GRAMD1B: variants seen among roughly 807,000 people sequenced by gnomAD.
GRAMD1B encodes the protein GRAM domain containing 1B.
A neutral mutation model predicts 99.7 loss-of-function variants in GRAMD1B; 37 were observed. That is an observed-to-expected ratio of 0.37 (90% CI 0.29 to 0.49). The LOEUF (loss-of-function observed/expected upper bound fraction) is 0.49, where lower values mean the gene tolerates loss of function less well. Among genes scored for constraint, GRAMD1B ranks in the 20% least tolerant of loss-of-function variants. The pLI, the probability that GRAMD1B is intolerant of heterozygous loss-of-function variation, is 0.98. For missense variants in GRAMD1B, 888 were observed against 1,009.2 expected, an observed-to-expected ratio of 0.88 and a Z score of 1.63; for synonymous variants, 427 against 387.6, an observed-to-expected ratio of 1.10 and a Z score of -1.19.
intron 1 of GRAMD1B, among the ~76,000 whole-genome samples, chr11:123,446,928 A>G (rs112915696): frequency 3.3e-5 from 5 of 152,136 alleles, no homozygotes; most frequent in African/African-American, 1.2e-4. Flanking sequence ...AAAGAAAAGA[A>G]AGGAAAGAAA....
intron 2 of GRAMD1B, among the ~76,000 whole-genome samples, chr11:123,488,830 G>A (rs930553845): frequency 1.3e-5 from 2 of 152,202 alleles, no homozygotes; most frequent in African/African-American, 4.8e-5. Flanking sequence ...CAGGAAGAGA[G>A]AGCAACATAA....
Position 123,623,305 on chromosome 11 carries a change from G to A in GRAMD1B, c.*710G>A, listed in dbSNP as rs1955319573. On this transcript the variant is annotated 3_prime_UTR_variant, in exon 20 of 20. Coordinates refer to ENST00000635736, the MANE Select transcript of GRAMD1B (RefSeq NM_001387025.1). ...AGGGTGTGGACCCAGTAAGGGCTGG[G>A]AATTTCTTACTTTCCCACCCGCTTT... The A allele has an allele frequency of 6.6e-6, 1 of 152,040 alleles. No homozygotes were observed. 9.4% of individuals were successfully genotyped at this position (152,040 alleles called of 1,614,324 possible). A position where few individuals can be genotyped will look rare whatever the true frequency, so the allele number is the denominator to read the frequency against.
chr11:123,545,337 T>A (rs560877634), intron 2 of GRAMD1B, among the ~76,000 whole-genome samples: 49 of 152,300 alleles, frequency 3.2e-4, no homozygotes, highest in Non-Finnish European at 1.2e-4. Flanking sequence ...ATTCCAGAAT[T>A]TCTGGGCCCC....
At chr11:123,519,646 C>T (rs753346057) in intron 2 of GRAMD1B, among the ~76,000 whole-genome samples, 2 of 152,234 alleles carry the variant, frequency 1.3e-5, no homozygotes, top group African/African-American at 4.8e-5. Context: ...AGCTATGCCC[C>T]GGTACTGCAG....
chr11:123,562,386 T>G (rs1326026369), intron 2 of GRAMD1B, among the ~76,000 whole-genome samples: 1 of 152,158 alleles, frequency 6.6e-6, no homozygotes, highest in Non-Finnish European at 1.5e-5. Context: ...CAGACTGTTT[T>G]GGTACAGGGC....
At chr11:123,599,141 C>T (rs1284872967) in intron 7 of GRAMD1B, 2 of 803,458 alleles carry the variant, frequency 2.5e-6, no homozygotes, top group Non-Finnish European at 4.5e-6. Context: ...CTGACATTGC[C>T]ACATAGATCT....
Position 123,480,871 on chromosome 11 carries a change from A to G in GRAMD1B, c.430A>G (p.Ser144Gly). The G allele has an allele frequency of 2.5e-6, 1 of 398,310 alleles. No individual in the cohort carries two copies. The allele number at this position is 398,310 out of a possible 1,614,324, so 24.7% of individuals were successfully genotyped here. A position where few individuals can be genotyped will look rare whatever the true frequency, so the allele number is the denominator to read the frequency against. The part of the protein sequence containing the change: ...SHDDDSSRFL[S>G]PRAREESTAS... ...CGATGATGATTCTAGCAGGTTCCTGAGTCCTCGAGCGCGGGAAGAAAGGTA... is the reference window on the plus strand; with the variant it reads ...CGATGATGATTCTAGCAGGTTCCTGGGTCCTCGAGCGCGGGAAGAAAGGTA... Residue 144 changes from serine to glycine, a missense_variant, in exon 2 of 20, where the codon AGT (serine) becomes GGT (glycine). This residue lies in a region of GRAMD1B where 233 missense variants were observed against 154.6 expected (regional missense o/e 1.51). Coordinates refer to ENST00000635736, the MANE Select transcript of GRAMD1B (RefSeq NM_001387025.1).
intron 1 of GRAMD1B, among the ~76,000 whole-genome samples, chr11:123,400,287 A>C (rs1177608906): frequency 6.6e-6 from 1 of 152,006 alleles, no homozygotes. Context: ...GACCAGCCTG[A>C]CCAATATGAT....
intron 2 of GRAMD1B, among the ~76,000 whole-genome samples, chr11:123,511,761 C>T (rs1223533522): frequency 3.3e-5 from 5 of 152,080 alleles, no homozygotes; most frequent in Admixed American, 3.3e-4. Flanking sequence ...AGAGAGGAGG[C>T]CCAAGCGGCA....
chr11:123,382,362 A>T (rs1314074378), intron 1 of GRAMD1B, among the ~76,000 whole-genome samples: 1 of 152,190 alleles, frequency 6.6e-6, no homozygotes, highest in Admixed American at 6.5e-5. Flanking sequence ...AGGCCAGTCA[A>T]ATCCAGAACT....
chr11:123,613,578 T>C lies in GRAMD1B; in HGVS notation c.2147T>C (p.Val716Ala). The C allele has an allele frequency of 6.2e-7, 1 of 1,613,494 alleles. No individual in the cohort carries two copies. Among genetic ancestry groups the C allele is most frequent in the Non-Finnish European group, 8.5e-7 (1 of 1,179,714 alleles). Residue 716 changes from valine to alanine, a missense_variant, in exon 16 of 20, where the codon GTC becomes GCC. This residue lies in a region of GRAMD1B where 232 missense variants were observed against 261.7 expected (regional missense o/e 0.89). Coordinates refer to ENST00000635736, the MANE Select transcript of GRAMD1B (RefSeq NM_001387025.1). ...RRKRPHAHLR[V>A]PHLEEVMSPV... ...AAGCGTCCCCATGCCCACCTGCGAGTCCCTCACCTGGAAGAGGTGATGAGC... is the reference window on the plus strand; with the variant it reads ...AAGCGTCCCCATGCCCACCTGCGAGCCCCTCACCTGGAAGAGGTGATGAGC...
At chr11:123,419,786 G>A (rs557443565) in intron 1 of GRAMD1B, among the ~76,000 whole-genome samples, 18 of 151,312 alleles carry the variant, frequency 1.2e-4, no homozygotes, top group African/African-American at 4.1e-4. Flanking sequence ...CAAGAAAAAG[G>A]AAGGAAAGCA....
intron 1 of GRAMD1B, among the ~76,000 whole-genome samples, chr11:123,450,374 C>T (rs1247543647): frequency 6.6e-6 from 1 of 152,080 alleles, no homozygotes; most frequent in African/African-American, 2.4e-5. Context: ...ACCTTTTTTC[C>T]CCAACTAACT....
chr11:123,412,782 C>A (rs1342714370), intron 1 of GRAMD1B, among the ~76,000 whole-genome samples: 6 of 61,274 alleles, frequency 9.8e-5, no homozygotes, highest in Non-Finnish European at 1.8e-4. Context: ...TAAAAAAAAA[C>A]TAAAGTTTTT....
chr11:123,495,895 ATG>A (rs1381583172), intron 2 of GRAMD1B, among the ~76,000 whole-genome samples: 2 of 152,004 alleles, frequency 1.3e-5, no homozygotes, highest in Non-Finnish European at 2.9e-5. Context: ...GTTGTTCTTT[ATG>A]TCTTATTGTA....
intron 1 of GRAMD1B, among the ~76,000 whole-genome samples, chr11:123,436,689 G>C (rs1231619347): frequency 1.3e-5 from 2 of 152,148 alleles, no homozygotes; most frequent in African/African-American, 2.4e-5. Flanking sequence ...CTGGAGTCTT[G>C]CTCTTTTCTT....
chr11:123,392,469 T>C (rs1039604836), intron 1 of GRAMD1B, among the ~76,000 whole-genome samples: 4 of 151,850 alleles, frequency 2.6e-5, no homozygotes, highest in Admixed American at 2.0e-4. Flanking sequence ...TGACTCAGAT[T>C]ACTGTCAGTT....
intron 2 of GRAMD1B, among the ~76,000 whole-genome samples, chr11:123,514,862 C>T (rs1941522456): frequency 1.3e-5 from 2 of 152,198 alleles, no homozygotes; most frequent in African/African-American, 2.4e-5. Context: ...TATCTCTCCC[C>T]ACTAGACTGT....
intron 2 of GRAMD1B, among the ~76,000 whole-genome samples, chr11:123,559,330 T>C (rs1371162077): frequency 6.6e-6 from 1 of 152,168 alleles, no homozygotes; most frequent in Admixed American, 6.5e-5. Context: ...GTGAGGCAAT[T>C]AGTTAATCGC....
Sources: allele counts gnomAD v4.1 joint callset (sites outside exome capture counted in the v4.1 genomes callset), GRCh38; gene constraint gnomAD v4.1.1; regional missense constraint gnomAD v4.1.1; transcripts MANE v1.5; gene names NCBI Gene and HGNC (gene_info 2026-07-23, HGNC 2026-07-21).